SPAG17: variants seen among roughly 807,000 people sequenced by gnomAD.
SPAG17 encodes sperm-associated antigen 17.
A neutral mutation model predicts 273.6 loss-of-function variants in SPAG17; 169 were observed. That is an observed-to-expected ratio of 0.62 (90% CI 0.55 to 0.70). The LOEUF (loss-of-function observed/expected upper bound fraction) is 0.70, where lower values mean the gene tolerates loss of function less well. Among genes scored for constraint, SPAG17 ranks in the 30% least tolerant of loss-of-function variants. SPAG17 has a pLI of 0.00. For missense variants in SPAG17, 2,557 were observed against 2,627.8 expected (o/e 0.97, Z 0.59); for synonymous variants, 825 against 873.2 (o/e 0.94, Z 0.97).
intron 45 of SPAG17, 134 bp downstream of exon 45, chr1:117,971,729 C>A: frequency 1.5e-6 from 1 of 662,986 alleles, no homozygotes. Context: ...GTGTAAATGA[C>A]TGAATGAATA....
chr1:118,039,101 A>G (rs1291331698), intron 23 of SPAG17, among the ~76,000 whole-genome samples, 191 bp downstream of exon 23: 2 of 152,196 alleles, frequency 1.3e-5, no homozygotes, highest in African/African-American at 4.8e-5. Flanking sequence ...CTGGTAAAGA[A>G]AAAAGATAAC....
At chr1:118,099,823 G>C (rs928257804) in intron 5 of SPAG17, 23 bp from the exon 6 acceptor site, 3 of 1,602,624 alleles carry the variant, frequency 1.9e-6, no homozygotes, top group Non-Finnish European at 2.6e-6. Flanking sequence ...CCATAAAGAA[G>C]AGCAGCCATC....
chr1:118,049,415 C>T (rs1364834568), intron 20 of SPAG17, among the ~76,000 whole-genome samples: 4 of 152,128 alleles, frequency 2.6e-5, no homozygotes, highest in African/African-American at 9.7e-5. Context: ...AAAGATGATT[C>T]AACCTATTCA....
rs752936797 is a variant in SPAG17 at position 118,093,194 on chromosome 1, T to G, written c.1135A>C (p.Asn379His). 8.1e-6 allele frequency: 13 copies of G among 1,613,714 alleles called. No homozygotes were observed. In the East Asian group the frequency reaches 2.9e-4, roughly 36 times the overall value. ...MQLINVPQVVNEKPVLEAMPT... is the reference protein window; with the variant it reads ...MQLINVPQVVHEKPVLEAMPT... ...ATGGCTTCTAATACAGGTTTCTCAT[T>G]AACCACTTGTGGAACATTAATAAGC... Residue 379 changes from asparagine to histidine, a missense_variant, in exon 8 of 49, where the codon AAT becomes CAT. Coordinates refer to ENST00000336338, the MANE Select transcript of SPAG17 (RefSeq NM_206996.4).
intron 1 of SPAG17, among the ~76,000 whole-genome samples, chr1:118,153,709 T>C (rs1273914): frequency 0.99 from 149,872 of 152,114 alleles, 73,871 homozygotes; most frequent in East Asian, 1. Context: ...TTTAGCCGGG[T>C]GTGGTGGAGG....
At chr1:118,052,353 A>ACT (rs1651156074) in intron 20 of SPAG17, among the ~76,000 whole-genome samples, 1 of 151,728 alleles carries the variant, frequency 6.6e-6, no homozygotes, top group Non-Finnish European at 1.5e-5. Flanking sequence ...AAAGAGTTGA[A>ACT]CTCACAAAAA....
At chr1:118,058,453 T>G (rs1294358315) in intron 18 of SPAG17, among the ~76,000 whole-genome samples, 1 of 152,196 alleles carries the variant, frequency 6.6e-6, no homozygotes, top group Non-Finnish European at 1.5e-5. Context: ...GCGAGCCTCC[T>G]GCCTTGGCTT....
rs771021882 is a variant in SPAG17, at chr1:118,040,846, A to ACT, written c.3055-6_3055-5insAG. Reference sequence around the variant, plus strand: ...TCCCATATTGTATCCGTGAAACTAGAAGAGAAAATATTATGCTTTGAGTGT... The same window carrying ACT: ...TCCCATATTGTATCCGTGAAACTAGACTAGAGAAAATATTATGCTTTGAGTGT... On this transcript the variant is annotated splice_polypyrimidine_tract_variant and splice_region_variant and intron_variant, in intron 21 of 48. Coordinates refer to ENST00000336338, the MANE Select transcript of SPAG17 (RefSeq NM_206996.4). The ACT allele has an allele frequency of 6.6e-7, 1 of 1,518,676 alleles. No individual in the cohort carries two copies. Among genetic ancestry groups the ACT allele is most frequent in the Non-Finnish European group, 9.2e-7 (1 of 1,092,590 alleles). 94.1% of individuals were successfully genotyped at this position (1,518,676 alleles called of 1,614,324 possible). A position where few individuals can be genotyped will look rare whatever the true frequency, so the allele number is the denominator to read the frequency against.
chr1:117,991,055 C>T (rs1054014432), intron 37 of SPAG17, 149 bp from the exon 38 acceptor site: 1 of 459,716 alleles, frequency 2.2e-6, no homozygotes, highest in East Asian at 3.5e-5. Context: ...TTTTCTAGGT[C>T]ATTCTTTCTA....
Position 118,016,099 on chromosome 1 carries a change from G to T in SPAG17, c.4153C>A (p.Pro1385Thr). ...PPPEAVQTVT[P>T]VEVHIGTWFT... The stretch of plus-strand genomic sequence containing the variant: ...CAGGTGCCTATGTGAACCTCCACAG[G>T]AGTTACAGTTTGAACTGCCTCTGGA... The change falls in exon 29 of 49, where the codon CCT (proline) becomes ACT (threonine). Residue 1385 changes from proline (P) to threonine (T), a missense_variant. Pro to Thr is a conservative substitution (Grantham distance 38). Coordinates refer to ENST00000336338, the MANE Select transcript of SPAG17 (RefSeq NM_206996.4). 6.2e-7 allele frequency: 1 copy of T among 1,614,062 alleles called. No homozygotes were observed. Among genetic ancestry groups the T allele is most frequent in the Non-Finnish European group, 8.5e-7 (1 of 1,179,968 alleles).
At chr1:117,965,619 T>C (rs193256525) in intron 47 of SPAG17, 133 of 152,228 alleles carry the variant, frequency 8.7e-4, no homozygotes, top group African/African-American at 3.2e-3. Flanking sequence ...TCCCAGTTCT[T>C]GTCCTCACAC....
At chr1:118,007,528 C>T (rs1400979995) in intron 31 of SPAG17, among the ~76,000 whole-genome samples, 2 of 152,204 alleles carry the variant, frequency 1.3e-5, no homozygotes, top group African/African-American at 4.8e-5. Flanking sequence ...GTGCTAACTG[C>T]TCCTCCTTGG....
intron 32 of SPAG17, 135 bp downstream of exon 32, chr1:118,005,279 G>A: frequency 1.6e-6 from 1 of 643,754 alleles, no homozygotes; most frequent in East Asian, 2.9e-5. Context: ...ATTACTGCTT[G>A]CCCAAAGTAT....
At chr1:118,082,863 T>C (rs1009643611) in intron 13 of SPAG17, among the ~76,000 whole-genome samples, 1 of 152,028 alleles carries the variant, frequency 6.6e-6, no homozygotes, top group Non-Finnish European at 1.5e-5. Context: ...AAACAGCAAA[T>C]GCAACGATCC....
intron 26 of SPAG17, among the ~76,000 whole-genome samples, chr1:118,027,688 T>C (rs1276714522): frequency 6.6e-6 from 1 of 152,234 alleles, no homozygotes; most frequent in African/African-American, 2.4e-5. Context: ...CCTCATCAGG[T>C]TAATTAAAGA....
intron 32 of SPAG17, among the ~76,000 whole-genome samples, chr1:117,998,056 T>G (rs1657855487): frequency 6.6e-6 from 1 of 152,166 alleles, no homozygotes; most frequent in African/African-American, 2.4e-5. Context: ...GCTTTTTAGT[T>G]TAATTAGGTC....
rs555488597 is a variant in SPAG17 at position 118,081,871 on chromosome 1, T to C, written c.1763-229A>G. ...GATAAAATTTAGCAAATTATAATGC[T>C]CCCAAACTGCTTCATAGCTCAATCA... is the stretch of plus-strand genomic sequence containing the variant. On this transcript the variant is annotated intron_variant, in intron 13 of 48. Coordinates refer to ENST00000336338, the MANE Select transcript of SPAG17 (RefSeq NM_206996.4). Among the ~76,000 whole-genome samples the C allele has an allele frequency of 5.9e-5, 9 of 152,316 alleles. No individual in the cohort carries two copies. In the East Asian group the frequency reaches 1.7e-3, roughly 29 times the overall value.
intron 4 of SPAG17, among the ~76,000 whole-genome samples, chr1:118,114,209 C>T (rs1418455528): frequency 1.3e-5 from 2 of 151,992 alleles, no homozygotes; most frequent in African/African-American, 2.4e-5. Context: ...TCCCCCAACA[C>T]GATGGAAAGA....
At chr1:118,077,799 C>T (rs1221096063) in intron 15 of SPAG17, among the ~76,000 whole-genome samples, 1 of 152,084 alleles carries the variant, frequency 6.6e-6, no homozygotes, top group Non-Finnish European at 1.5e-5. Flanking sequence ...ACAAAATCAG[C>T]ATAAAAATCA....
Sources: allele counts gnomAD v4.1 joint callset (sites outside exome capture counted in the v4.1 genomes callset), GRCh38; gene constraint gnomAD v4.1.1; transcripts MANE v1.5; gene names NCBI Gene and HGNC (gene_info 2026-07-23, HGNC 2026-07-21).